Variants in GRID2 observed in about 807,000 individuals in gnomAD.
GRID2 encodes glutamate receptor ionotropic, delta-2.
A neutral mutation model predicts 114.8 loss-of-function variants in GRID2; 33 were observed. The ratio of observed to expected loss-of-function variants is 0.29; its 90% CI spans 0.22 to 0.38. The LOEUF (loss-of-function observed/expected upper bound fraction) is 0.38, where lower values mean the gene tolerates loss of function less well. Among genes scored for constraint, GRID2 ranks in the 10% least tolerant of loss-of-function variants. GRID2 has a pLI of 1.00. For missense variants in GRID2, 1,184 were observed against 1,257.7 expected, an observed-to-expected ratio of 0.94 and a Z score of 0.89; for synonymous variants, 505 against 449.9, an observed-to-expected ratio of 1.12 and a Z score of -1.55.
chr4:92,592,809 T>C (rs759185941), intron 2 of GRID2, among the ~76,000 whole-genome samples: 3 of 143,918 alleles, frequency 2.1e-5, no homozygotes, highest in Non-Finnish European at 4.6e-5. Context: ...GAAGTAAAAA[T>C]ACTTATTTAT....
chr4:92,721,422 A>G (rs1374258632), intron 2 of GRID2, among the ~76,000 whole-genome samples: 3 of 152,152 alleles, frequency 2.0e-5, no homozygotes, highest in African/African-American at 7.2e-5. Context: ...TTCTGAATTT[A>G]TTCTCTAAAT....
chr4:93,493,704 T>C (rs558566528), intron 12 of GRID2, among the ~76,000 whole-genome samples: 1 of 151,852 alleles, frequency 6.6e-6, no homozygotes, highest in East Asian at 1.9e-4. Flanking sequence ...GCAATAGCAG[T>C]GGGAGGAGAA....
chr4:92,749,088 G>A (rs1321735951), intron 2 of GRID2, among the ~76,000 whole-genome samples: 2 of 151,572 alleles, frequency 1.3e-5, no homozygotes, highest in Non-Finnish European at 2.9e-5. Flanking sequence ...CCACCTCCCA[G>A]GTGCAAGCGA....
intron 2 of GRID2, among the ~76,000 whole-genome samples, chr4:92,747,855 CCT>C (rs1274239457): frequency 6.6e-6 from 1 of 151,938 alleles, no homozygotes; most frequent in African/African-American, 2.4e-5. Flanking sequence ...TTGTAATTTC[CCT>C]CTCCTCTGAT....
chr4:93,028,557 G>C (rs1578791724), intron 2 of GRID2, among the ~76,000 whole-genome samples: 1 of 152,112 alleles, frequency 6.6e-6, no homozygotes, highest in African/African-American at 2.4e-5. Flanking sequence ...ATAGTAGTGA[G>C]TATGCAGAGC....
intron 13 of GRID2, among the ~76,000 whole-genome samples, chr4:93,534,053 C>T (rs980750348): frequency 6.6e-6 from 1 of 151,984 alleles, no homozygotes; most frequent in Non-Finnish European, 1.5e-5. Context: ...TGGCTGTTTT[C>T]TGTTCTTCCT....
intron 2 of GRID2, among the ~76,000 whole-genome samples, chr4:92,961,380 T>A (rs971251054): frequency 2.2e-5 from 3 of 134,296 alleles, no homozygotes; most frequent in Admixed American, 1.5e-4. Context: ...TCCCCTCAAA[T>A]TTTTTTTTTT....
chr4:92,820,367 G>C (rs1578236281), intron 2 of GRID2, among the ~76,000 whole-genome samples: 1 of 152,244 alleles, frequency 6.6e-6, no homozygotes, highest in East Asian at 1.9e-4. Context: ...GCACTCTAAT[G>C]CCTTTAGATT....
intron 2 of GRID2, among the ~76,000 whole-genome samples, chr4:92,992,906 G>A (rs1419862051): frequency 6.6e-6 from 1 of 151,980 alleles, no homozygotes; most frequent in Non-Finnish European, 1.5e-5. Flanking sequence ...TTGGAAATCT[G>A]TAATTTTTCC....
chr4:92,470,096 A>G (rs1308797957), intron 1 of GRID2, among the ~76,000 whole-genome samples: 1 of 151,950 alleles, frequency 6.6e-6, no homozygotes, highest in Non-Finnish European at 1.5e-5. Flanking sequence ...ATTTATAAAA[A>G]CAGGTGTGAA....
chr4:92,762,349 GTAGAC>G (rs1738059073), intron 2 of GRID2, among the ~76,000 whole-genome samples: 1 of 151,764 alleles, frequency 6.6e-6, no homozygotes, highest in African/African-American at 2.4e-5. Flanking sequence ...TTTCTTCCAA[GTAGAC>G]TAAGCTTTAG....
At chr4:92,940,643 G>A (rs1490612091) in intron 2 of GRID2, among the ~76,000 whole-genome samples, 5 of 152,032 alleles carry the variant, frequency 3.3e-5, no homozygotes, top group Non-Finnish European at 5.9e-5. Context: ...CCTGTCTTGT[G>A]CCAGTTTTCA....
intron 1 of GRID2, among the ~76,000 whole-genome samples, chr4:93,787,033 GATCTAATAGATTCAGAACCC>G (rs535365713): frequency 6.6e-6 from 1 of 151,722 alleles, no homozygotes. Context: ...TCAGTGGCTT[GATCTAATAGATTCAGAACCC>G]AGGTTCCTTC....
intron 1 of GRID2, among the ~76,000 whole-genome samples, chr4:92,497,756 G>T (rs1374328661): frequency 6.6e-6 from 1 of 151,682 alleles, no homozygotes; most frequent in African/African-American, 2.4e-5. Context: ...GCACATATTT[G>T]AATTTTCCTA....
intron 2 of GRID2, among the ~76,000 whole-genome samples, chr4:92,905,730 C>T (rs1747898627): frequency 1.3e-5 from 2 of 152,030 alleles, no homozygotes; most frequent in South Asian, 2.1e-4. Context: ...CTAGAACTCA[C>T]ATCTTAAATT....
chr4:92,804,264 GA>G (rs1337943984), intron 2 of GRID2, among the ~76,000 whole-genome samples: 1 of 151,804 alleles, frequency 6.6e-6, no homozygotes, highest in Non-Finnish European at 1.5e-5. Flanking sequence ...AAATCATATG[GA>G]AAAATATTCT....
chr4:93,005,118 G>A (rs561981012), intron 2 of GRID2, among the ~76,000 whole-genome samples: 1 of 152,024 alleles, frequency 6.6e-6, no homozygotes, highest in South Asian at 2.1e-4. Context: ...CCATCTCATG[G>A]GGATGTCTAA....
chr4:92,359,084 T>C (rs1333980631), intron 1 of GRID2, among the ~76,000 whole-genome samples: 1 of 151,996 alleles, frequency 6.6e-6, no homozygotes, highest in Non-Finnish European at 1.5e-5. Flanking sequence ...AGAGGAAAGC[T>C]GATATCCTGT....
chr4:93,345,092 T>C (rs1288302287), intron 8 of GRID2, among the ~76,000 whole-genome samples: 3 of 151,892 alleles, frequency 2.0e-5, no homozygotes, highest in Non-Finnish European at 4.4e-5. Context: ...ATCTTGGCTA[T>C]TGTAAATAAT....
Sources: gnomAD v4.1 joint callset for allele counts (sites outside exome capture counted in the v4.1 genomes callset) on GRCh38, gnomAD v4.1.1 for gene constraint, MANE v1.5 for transcripts, NCBI Gene and HGNC (gene_info 2026-07-23, HGNC 2026-07-21) for gene names.